The following PLCE1 variants were observed in gnomAD, a reference collection of about 807,000 sequenced individuals.
PLCE1 encodes the protein 1-phosphatidylinositol 4,5-bisphosphate phosphodiesterase epsilon-1.
Under a neutral mutation model 242.8 loss-of-function variants are expected in PLCE1, and 119 were observed. That is an observed-to-expected ratio of 0.49 (90% CI 0.42 to 0.57). The LOEUF is 0.57. Ranked by LOEUF, PLCE1 falls within the 20% of genes least tolerant of loss-of-function variation. The pLI is 0.00. For missense variants in PLCE1, 2,441 were observed against 2,788.8 expected (o/e 0.88, Z 2.81); for synonymous variants, 945 against 1,017.4 (o/e 0.93, Z 1.35).
chr10:94,056,663 T>G (rs1175025201), intron 2 of PLCE1, among the ~76,000 whole-genome samples: 4 of 152,134 alleles, frequency 2.6e-5, no homozygotes, highest in Non-Finnish European at 5.9e-5. Context: ...TAATATAAAA[T>G]TCACCCCTTT....
intron 3 of PLCE1, among the ~76,000 whole-genome samples, chr10:94,142,350 CAAAA>C (rs5787101): frequency 8.4e-6 from 1 of 119,402 alleles, no homozygotes. Flanking sequence ...GATGCTGTCT[CAAAA>C]AAAAAAAAAA....
intron 1 of PLCE1, among the ~76,000 whole-genome samples, chr10:94,010,485 T>C (rs1437105419): frequency 2.0e-5 from 3 of 152,220 alleles, no homozygotes; most frequent in Admixed American, 6.5e-5. Flanking sequence ...CCCTTTTTAA[T>C]TGTTACCCTG....
rs536289925 is a variant in PLCE1, at chr10:94,249,498, T to C, written c.3097-2818T>C. On this transcript the variant is annotated intron_variant, in intron 8 of 32. Coordinates refer to ENST00000371380, the MANE Select transcript of PLCE1 (RefSeq NM_016341.4). ...AAACAATGTTTGGGTTTTTCCAAACTTCTGTTAACAGCTCTATAAGAGGAT... is the reference window on the plus strand; with the variant it reads ...AAACAATGTTTGGGTTTTTCCAAACCTCTGTTAACAGCTCTATAAGAGGAT... Among the ~76,000 whole-genome samples the C allele has an allele frequency of 4.4e-4, 67 of 152,334 alleles. 1 individual carries two copies. Among genetic ancestry groups the C allele is most frequent in the South Asian group, 2.1e-3 (10 of 4,824 alleles).
chr10:94,014,933 A>C (rs967842906), intron 1 of PLCE1, among the ~76,000 whole-genome samples: 1 of 152,238 alleles, frequency 6.6e-6, no homozygotes, highest in Non-Finnish European at 1.5e-5. Context: ...CACTAGCCTC[A>C]GCCTCATGGG....
At chr10:94,066,188 A>G (rs2044191434) in intron 2 of PLCE1, among the ~76,000 whole-genome samples, 1 of 152,132 alleles carries the variant, frequency 6.6e-6, no homozygotes, top group Admixed American at 6.6e-5. Context: ...GGAATTGGAG[A>G]GGAAAGGGAA....
At chr10:94,130,569 C>T (rs1443929578) in intron 2 of PLCE1, among the ~76,000 whole-genome samples, 1 of 152,154 alleles carries the variant, frequency 6.6e-6, no homozygotes, top group Non-Finnish European at 1.5e-5. Context: ...TGGTGAAGGT[C>T]GAGTCAGGTG....
chr10:94,201,800 G>A (rs2048996202), intron 4 of PLCE1, among the ~76,000 whole-genome samples: 1 of 152,172 alleles, frequency 6.6e-6, no homozygotes, highest in Non-Finnish European at 1.5e-5. Context: ...TGTAAAGGTT[G>A]TATGACAATG....
At chr10:94,316,821 A>G (rs1184285272) in intron 29 of PLCE1, 65 bp downstream of exon 29, 2 of 1,178,178 alleles carry the variant, frequency 1.7e-6, no homozygotes, top group Non-Finnish European at 2.5e-6. Flanking sequence ...TTTACCACTC[A>G]CAACCTCCCT....
chr10:94,277,294 G>A (rs1487618220), intron 19 of PLCE1, among the ~76,000 whole-genome samples: 1 of 152,166 alleles, frequency 6.6e-6, no homozygotes, highest in Non-Finnish European at 1.5e-5. Flanking sequence ...AAACAGAGAA[G>A]TGTAAGACAT....
rs1445462517 is a variant in PLCE1 at position 94,305,702 on chromosome 10, C to G, written c.5623-725C>G. ...TTTACAGAAAGCTGTGAATTAGTTC[C>G]TAACACGTCTGTGACTTGCTCCAAA... is the stretch of plus-strand genomic sequence containing the variant. On this transcript the variant is annotated intron_variant, in intron 25 of 32. Transcript: ENST00000371380. Among the ~76,000 whole-genome samples the G allele has an allele frequency of 3.3e-5, 5 of 152,306 alleles. No individual in the cohort carries two copies. The South Asian group carries it at 1.0e-3, about 32-fold the overall frequency.
At chr10:94,048,701 T>C (rs964865524) in intron 2 of PLCE1, among the ~76,000 whole-genome samples, 24 of 146,050 alleles carry the variant, frequency 1.6e-4, no homozygotes, top group African/African-American at 5.7e-4. Flanking sequence ...ATAATATAAA[T>C]ATATATTAAA....
At position 94,227,157 on chromosome 10, in the gene PLCE1, G is replaced by A. The variant is rs192985979; in HGVS notation, c.1810-149G>A. On this transcript the variant is annotated intron_variant, in intron 4 of 32. Transcript: ENST00000371380. Reference sequence around the variant, plus strand: ...CTCCCAAAGTGCTGGGATTACAGGCGTGAACCACCACGCCCAGCCAGGACC... The same window carrying A: ...CTCCCAAAGTGCTGGGATTACAGGCATGAACCACCACGCCCAGCCAGGACC... 5.0e-4 allele frequency: 361 copies of A among 721,904 alleles called. 1 individual carries two copies. The highest frequency in any genetic ancestry group is 4.7e-3 in the African/African-American group (270 of 57,098). 44.7% of individuals were successfully genotyped at this position (721,904 alleles called of 1,614,324 possible). A position where few individuals can be genotyped will look rare whatever the true frequency, so the allele number is the denominator to read the frequency against.
chr10:94,031,273 C>T lies in PLCE1; in HGVS notation c.227C>T (p.Ala76Val), dbSNP rs61749238. ...GSNLPKILSI[A>V]REKIVSDENS... ...AACTTGCCAAAGATTCTCTCAATAG[C>T]GAGGGAGAAAATAGTGAGTGATGAG... Residue 76 changes from alanine to valine, a missense_variant, in exon 2 of 33, where the codon GCG (alanine) becomes GTG (valine). Coordinates refer to ENST00000371380, the MANE Select transcript of PLCE1 (RefSeq NM_016341.4). 5.8e-4 allele frequency: 940 copies of T among 1,613,686 alleles called. 4 individuals are homozygous for T. The African/African-American group carries it at 0.011, about 19-fold the overall frequency.
At chr10:94,256,347 A>G (rs1005207135) in intron 11 of PLCE1, among the ~76,000 whole-genome samples, 3 of 138,958 alleles carry the variant, frequency 2.2e-5, no homozygotes, top group Non-Finnish European at 3.1e-5. Flanking sequence ...AAAAAGAAAG[A>G]AAGAAAGAAA....
intron 2 of PLCE1, among the ~76,000 whole-genome samples, chr10:94,038,144 C>T (rs953718916): frequency 1.3e-5 from 2 of 152,040 alleles, no homozygotes; most frequent in African/African-American, 2.4e-5. Flanking sequence ...TGAAAAGTCA[C>T]GAGTCATAGA....
At chr10:94,167,519 A>G (rs12415674) in intron 3 of PLCE1, among the ~76,000 whole-genome samples, 1 of 145,026 alleles carries the variant, frequency 6.9e-6, no homozygotes, top group Non-Finnish European at 1.5e-5. Flanking sequence ...CTTTTTTTTT[A>G]ATTTTATTAT....
At chr10:94,226,651 G>A (rs1418799194) in intron 4 of PLCE1, among the ~76,000 whole-genome samples, 1 of 151,850 alleles carries the variant, frequency 6.6e-6, no homozygotes, top group African/African-American at 2.4e-5. Flanking sequence ...GATGGGTTAA[G>A]TACATTTCAT....
At chr10:94,307,850 C>T (rs968974536) in intron 26 of PLCE1, among the ~76,000 whole-genome samples, 5 of 152,114 alleles carry the variant, frequency 3.3e-5, no homozygotes, top group Non-Finnish European at 7.4e-5. Context: ...AGTATAGGGT[C>T]GGGGGAGACC....
chr10:94,073,915 C>T lies in PLCE1; in HGVS notation c.1206+41663C>T, dbSNP rs1296147265. Among the ~76,000 whole-genome samples, 4 of 152,100 alleles carry T rather than the reference C, an allele frequency of 2.6e-5. 1 individual carries two copies. Among genetic ancestry groups the T allele is most frequent in the Admixed American group, 2.0e-4 (3 of 15,278 alleles). On this transcript the variant is annotated intron_variant, in intron 2 of 32. Transcript: ENST00000371380. ...TTATATAGCACAGAAGGCGGGAAAA[C>T]AGGAATTAGGGAATTAATCATGATC...
Sources: gnomAD v4.1 joint callset for allele counts (sites outside exome capture counted in the v4.1 genomes callset) on GRCh38, gnomAD v4.1.1 for gene constraint, MANE v1.5 for transcripts, NCBI Gene and HGNC (gene_info 2026-07-23, HGNC 2026-07-21) for gene names.